PDE4B: variants seen among roughly 807,000 people sequenced by gnomAD.
PDE4B encodes 3',5'-cyclic-AMP phosphodiesterase 4B.
Under a neutral mutation model 82.2 loss-of-function variants are expected in PDE4B, and 20 were observed. The ratio of observed to expected loss-of-function variants is 0.24; its 90% CI spans 0.17 to 0.35. The LOEUF is 0.35. Among genes scored for constraint, PDE4B ranks in the 10% least tolerant of loss-of-function variants. PDE4B has a pLI of 1.00. For synonymous variants in PDE4B, 320 were observed against 318.9 expected (o/e 1.00, Z -0.04); for missense variants, 655 against 907.2 (o/e 0.72, Z 3.57).
At chr1:66,200,575 T>C (rs1648812849) in intron 3 of PDE4B, among the ~76,000 whole-genome samples, 1 of 152,146 alleles carries the variant, frequency 6.6e-6, no homozygotes, top group South Asian at 2.1e-4. Context: ...CCTTGTAAGT[T>C]GGATTCCTAG....
chr1:66,305,562 A>G (rs899876084), intron 7 of PDE4B, among the ~76,000 whole-genome samples: 11 of 152,108 alleles, frequency 7.2e-5, no homozygotes, highest in African/African-American at 2.7e-4. Flanking sequence ...CCTACATTTT[A>G]TTCATAGGAA....
chr1:65,818,526 G>A (rs991900923), intron 1 of PDE4B, among the ~76,000 whole-genome samples: 1 of 151,778 alleles, frequency 6.6e-6, no homozygotes, highest in Non-Finnish European at 1.5e-5. Flanking sequence ...GTACAGAACT[G>A]TAATTCTTCA....
At chr1:66,163,201 ATGT>A (rs1436850821) in intron 3 of PDE4B, among the ~76,000 whole-genome samples, 1 of 152,164 alleles carries the variant, frequency 6.6e-6, no homozygotes. Context: ...TCCTCAAAAG[ATGT>A]TGTGAGTGAC....
At chr1:65,966,043 G>T (rs1649808431) in intron 3 of PDE4B, among the ~76,000 whole-genome samples, 1 of 152,134 alleles carries the variant, frequency 6.6e-6, no homozygotes, top group African/African-American at 2.4e-5. Flanking sequence ...GGAAGTTCTG[G>T]CCAGGGCAAT....
At chr1:66,336,208 G>T (rs1434509394) in intron 8 of PDE4B, among the ~76,000 whole-genome samples, 1 of 152,138 alleles carries the variant, frequency 6.6e-6, no homozygotes, top group Non-Finnish European at 1.5e-5. Flanking sequence ...CTGCTGTGAG[G>T]GTGACTACAA....
At chr1:66,072,850 A>T (rs1336544027) in intron 3 of PDE4B, among the ~76,000 whole-genome samples, 1 of 152,128 alleles carries the variant, frequency 6.6e-6, no homozygotes, top group Admixed American at 6.6e-5. Context: ...ATAAAGTATA[A>T]TACATTGCCA....
Position 66,374,532 on chromosome 1 carries a change from TAA to T in PDE4B, c.*1856_*1857del, listed in dbSNP as rs559008700. On this transcript the variant is annotated 3_prime_UTR_variant, in exon 17 of 17. Transcript: ENST00000341517. ...TTATATATTGTGTTCAAATGCATTC[TAA>T]AGAGACTTTTATATGAGGTGAATAA... 6.3e-4 allele frequency: 97 copies of T among 152,792 alleles called. No individual in the cohort carries two copies. The highest frequency in any genetic ancestry group is 2.3e-3 in the African/African-American group (94 of 41,590). The allele number at this position is 152,792 out of a possible 1,614,324, so 9.5% of individuals were successfully genotyped here.
chr1:66,363,387 T>C lies in PDE4B; in HGVS notation c.1120-20T>C. Reference sequence around the variant, plus strand: ...TTTGGACATCTACTTATTTATGTTCTAATCCATTTTACAACACAGGAAAGA... The same window carrying C: ...TTTGGACATCTACTTATTTATGTTCCAATCCATTTTACAACACAGGAAAGA... On this transcript the variant is annotated intron_variant, in intron 11 of 16. Transcript: ENST00000341517. 1 of 1,599,890 alleles carries C rather than the reference T, an allele frequency of 6.3e-7. No individual in the cohort carries two copies. Among genetic ancestry groups the C allele is most frequent in the Non-Finnish European group, 8.5e-7 (1 of 1,171,042 alleles).
intron 3 of PDE4B, among the ~76,000 whole-genome samples, chr1:66,239,834 A>G (rs1254592157): frequency 6.6e-6 from 1 of 152,266 alleles, no homozygotes; most frequent in East Asian, 1.9e-4. Context: ...ATTTCTTGAT[A>G]GTGAAATGTT....
intron 3 of PDE4B, among the ~76,000 whole-genome samples, chr1:66,020,025 G>C (rs1653000798): frequency 6.6e-6 from 1 of 152,186 alleles, no homozygotes; most frequent in Non-Finnish European, 1.5e-5. Flanking sequence ...GTACATAGAA[G>C]TCAAAGAAAA....
chr1:66,329,035 C>T (rs1467543520), intron 7 of PDE4B, among the ~76,000 whole-genome samples: 2 of 152,172 alleles, frequency 1.3e-5, no homozygotes, highest in Non-Finnish European at 2.9e-5. Flanking sequence ...TTCGACTTCC[C>T]CAGCTCTTGT....
chr1:66,131,835 A>G (rs1403135289), intron 3 of PDE4B, among the ~76,000 whole-genome samples: 1 of 151,756 alleles, frequency 6.6e-6, no homozygotes, highest in Non-Finnish European at 1.5e-5. Flanking sequence ...GACAGTCAAC[A>G]AGCAAACACA....
intron 3 of PDE4B, among the ~76,000 whole-genome samples, chr1:66,206,853 G>C (rs1206202303): frequency 6.6e-6 from 1 of 152,140 alleles, no homozygotes; most frequent in African/African-American, 2.4e-5. Flanking sequence ...TGAATCCCTA[G>C]CATGTAAGTT....
chr1:66,080,367 T>A lies in PDE4B; in HGVS notation c.281+161532T>A, dbSNP rs1656659861. On this transcript the variant is annotated intron_variant, in intron 3 of 16. Transcript: ENST00000341517. Reference sequence around the variant, plus strand: ...GATGCGTTGACAAAACCAGTCAGTCTAAGAATATTGTTATCTTTTTACCAA... The same window carrying A: ...GATGCGTTGACAAAACCAGTCAGTCAAAGAATATTGTTATCTTTTTACCAA... Among the ~76,000 whole-genome samples, 3 of 152,166 alleles carry A rather than the reference T, an allele frequency of 2.0e-5. No homozygotes were observed. The South Asian group carries it at 6.2e-4, about 31-fold the overall frequency.
intron 3 of PDE4B, among the ~76,000 whole-genome samples, chr1:66,175,569 A>G (rs544353677): frequency 6.6e-6 from 1 of 152,286 alleles, no homozygotes; most frequent in South Asian, 2.1e-4. Flanking sequence ...CAACTTTTTT[A>G]TTTATAAACA....
intron 3 of PDE4B, among the ~76,000 whole-genome samples, chr1:66,080,240 A>T (rs1656653795): frequency 6.6e-6 from 1 of 152,170 alleles, no homozygotes. Context: ...GTTCATACAG[A>T]AAAAATTGTG....
chr1:65,999,854 C>T (rs1651766317), intron 3 of PDE4B, among the ~76,000 whole-genome samples: 1 of 152,098 alleles, frequency 6.6e-6, no homozygotes, highest in Admixed American at 6.5e-5. Context: ...GAGCATTTTT[C>T]CTATAGCTTG....
At chr1:65,912,566 G>T (rs1461523778) in intron 1 of PDE4B, among the ~76,000 whole-genome samples, 1 of 152,140 alleles carries the variant, frequency 6.6e-6, no homozygotes, top group Non-Finnish European at 1.5e-5. Context: ...TCTCAAAATA[G>T]CTAGATTTGT....
intron 3 of PDE4B, among the ~76,000 whole-genome samples, chr1:66,096,811 T>C (rs1259521585): frequency 6.6e-6 from 1 of 151,744 alleles, no homozygotes; most frequent in African/African-American, 2.4e-5. Flanking sequence ...CCTGAACTCT[T>C]GGTGATCACT....
Sources: gnomAD v4.1 joint callset for allele counts (sites outside exome capture counted in the v4.1 genomes callset) on GRCh38, gnomAD v4.1.1 for gene constraint, MANE v1.5 for transcripts, NCBI Gene and HGNC (gene_info 2026-07-23, HGNC 2026-07-21) for gene names.